Variants in BCL2 observed in about 807,000 individuals in gnomAD.
The protein encoded by BCL2 is apoptosis regulator Bcl-2.
BCL2 carries 1 observed loss-of-function variant against 14.2 expected under a neutral mutation model. That is an observed-to-expected ratio of 0.07 (90% CI 0.02 to 0.33). The LOEUF (loss-of-function observed/expected upper bound fraction) is 0.33, where lower values mean the gene tolerates loss of function less well. BCL2 is among the 10% of genes least tolerant of loss of function. The pLI is 0.99. For synonymous variants in BCL2, 151 were observed against 137.2 expected (o/e 1.10, Z -0.70); for missense variants, 247 against 305.9 (o/e 0.81, Z 1.44).
intron 2 of BCL2, among the ~76,000 whole-genome samples, chr18:63,312,725 A>G (rs1307700463): frequency 6.6e-6 from 1 of 152,204 alleles, no homozygotes; most frequent in Non-Finnish European, 1.5e-5. Context: ...TTCAAAACCT[A>G]CTTGTATTTT....
intron 2 of BCL2, among the ~76,000 whole-genome samples, chr18:63,292,513 A>G (rs1024437255): frequency 2.0e-5 from 3 of 152,194 alleles, no homozygotes; most frequent in Non-Finnish European, 4.4e-5. Flanking sequence ...GTACCATGCT[A>G]GCTGGGATCT....
chr18:63,289,627 C>T (rs1321888507), intron 2 of BCL2, among the ~76,000 whole-genome samples: 2 of 152,146 alleles, frequency 1.3e-5, no homozygotes, highest in Non-Finnish European at 2.9e-5. Flanking sequence ...AAAAGGGTGG[C>T]TCATGCCTAT....
chr18:63,169,276 CT>C (rs1384456955), intron 2 of BCL2, among the ~76,000 whole-genome samples: 1 of 63,964 alleles, frequency 1.6e-5, no homozygotes, highest in Non-Finnish European at 2.7e-5. Flanking sequence ...TTCTTTCTTT[CT>C]TTCTTTCTTT....
At chr18:63,175,902 C>G (rs1915338317) in intron 2 of BCL2, among the ~76,000 whole-genome samples, 1 of 152,210 alleles carries the variant, frequency 6.6e-6, no homozygotes, top group East Asian at 1.9e-4. Flanking sequence ...CTGTAATCTT[C>G]TCTGCTGCCT....
chr18:63,148,229 T>C (rs545064588), intron 2 of BCL2, among the ~76,000 whole-genome samples: 1 of 152,042 alleles, frequency 6.6e-6, no homozygotes, highest in African/African-American at 2.4e-5. Context: ...AATATCCATT[T>C]TCTCTCTCTC....
chr18:63,206,802 G>A (rs1909849110), intron 2 of BCL2, among the ~76,000 whole-genome samples: 1 of 152,154 alleles, frequency 6.6e-6, no homozygotes, highest in African/African-American at 2.4e-5. Context: ...GTTGGGGCAG[G>A]GGCACGGCCT....
chr18:63,210,033 G>A (rs1599246261), intron 2 of BCL2, among the ~76,000 whole-genome samples: 1 of 152,198 alleles, frequency 6.6e-6, no homozygotes, highest in Non-Finnish European at 1.5e-5. Flanking sequence ...GTGGTGGAGG[G>A]TGGCAGTAGG....
At chr18:63,198,025 T>G (rs1909496229) in intron 2 of BCL2, among the ~76,000 whole-genome samples, 1 of 152,252 alleles carries the variant, frequency 6.6e-6, no homozygotes, top group African/African-American at 2.4e-5. Context: ...TTGGTCTTTC[T>G]TTTGTAAGAA....
intron 2 of BCL2, among the ~76,000 whole-genome samples, chr18:63,295,350 C>T (rs1474298708): frequency 6.6e-6 from 1 of 152,124 alleles, no homozygotes; most frequent in Non-Finnish European, 1.5e-5. Context: ...CTGTCAAGGG[C>T]CAAGTGAATG....
intron 2 of BCL2, chr18:63,317,804 C>T (rs1048448574): frequency 1.8e-4 from 238 of 1,326,256 alleles, no homozygotes; most frequent in Non-Finnish European, 2.2e-4. Flanking sequence ...TGAAGGGGTA[C>T]CATTTACCAC....
intron 2 of BCL2, among the ~76,000 whole-genome samples, chr18:63,172,338 A>T (rs989454746): frequency 2.0e-5 from 3 of 152,248 alleles, no homozygotes; most frequent in African/African-American, 7.2e-5. Flanking sequence ...TTGAGCAAGA[A>T]CAACGCAGAC....
intron 2 of BCL2, among the ~76,000 whole-genome samples, chr18:63,170,000 C>T (rs1247551028): frequency 2.6e-5 from 4 of 152,018 alleles, no homozygotes; most frequent in Admixed American, 1.3e-4. Context: ...ATATTATGAC[C>T]GTAATCAGTG....
At chr18:63,207,205 C>T (rs1266086037) in intron 2 of BCL2, among the ~76,000 whole-genome samples, 1 of 152,196 alleles carries the variant, frequency 6.6e-6, no homozygotes, top group Non-Finnish European at 1.5e-5. Flanking sequence ...GTGCAGGCGG[C>T]AGGAGGGAGC....
chr18:63,218,641 C>T (rs1337005280), intron 2 of BCL2, among the ~76,000 whole-genome samples: 5 of 3,654 alleles, frequency 1.4e-3, no homozygotes, highest in East Asian at 6.9e-3. Flanking sequence ...ATCCACTCAT[C>T]CCATCCTCCA....
chr18:63,193,578 ATGTATGTGTG>A (rs1166273813), intron 2 of BCL2, among the ~76,000 whole-genome samples: 2 of 132,948 alleles, frequency 1.5e-5, no homozygotes, highest in African/African-American at 5.9e-5. Flanking sequence ...GCGGAGTAGT[ATGTATGTGTG>A]TGTGTGTGTG....
chr18:63,303,835 G>A (rs1233194140), intron 2 of BCL2, among the ~76,000 whole-genome samples: 1 of 152,170 alleles, frequency 6.6e-6, no homozygotes, highest in Non-Finnish European at 1.5e-5. Flanking sequence ...TGGAAATGGG[G>A]AAATGAGAAG....
chr18:63,221,156 G>A (rs1910381638), intron 2 of BCL2, among the ~76,000 whole-genome samples: 1 of 152,336 alleles, frequency 6.6e-6, no homozygotes, highest in East Asian at 1.9e-4. Flanking sequence ...TGGGCAAGTG[G>A]TTTTATCAGT....
At chr18:63,290,866 T>C (rs537978823) in intron 2 of BCL2, among the ~76,000 whole-genome samples, 3 of 152,164 alleles carry the variant, frequency 2.0e-5, no homozygotes, top group Non-Finnish European at 2.9e-5. Flanking sequence ...GGGCCGAATG[T>C]TTCTTTCCTA....
chr18:63,288,937 C>T (rs1230632611), intron 2 of BCL2, among the ~76,000 whole-genome samples: 4 of 151,998 alleles, frequency 2.6e-5, no homozygotes, highest in Non-Finnish European at 4.4e-5. Flanking sequence ...AACCTACATG[C>T]GTAGCACAGT....
Sources: allele counts gnomAD v4.1 joint callset (sites outside exome capture counted in the v4.1 genomes callset), GRCh38; gene constraint gnomAD v4.1.1; transcripts MANE v1.5; gene names NCBI Gene and HGNC (gene_info 2026-07-23, HGNC 2026-07-21).